The following DGKD variants were observed in gnomAD, a reference collection of about 807,000 sequenced individuals.
The protein encoded by DGKD is diacylglycerol kinase delta.
DGKD carries 68 observed loss-of-function variants against 154.4 expected under a neutral mutation model. The observed-to-expected ratio is 0.44, with a 90% CI of 0.36 to 0.54. The LOEUF (loss-of-function observed/expected upper bound fraction) is 0.54. DGKD is among the 20% of genes least tolerant of loss of function. DGKD has a pLI of 0.00. For missense variants in DGKD, 1,343 were observed against 1,593.6 expected (o/e 0.84, Z 2.68); for synonymous variants, 693 against 638.0 (o/e 1.09, Z -1.30).
chr2:233,434,578 G>A, intron 4 of DGKD, 94 bp downstream of exon 4: 3 of 1,435,548 alleles, frequency 2.1e-6, no homozygotes, highest in East Asian at 2.3e-5. Flanking sequence ...CGGACCCACA[G>A]TCTGGAGCTC....
chr2:233,438,128 G>C lies in DGKD; in HGVS notation c.923-89G>C. ...TGCATGTGTCAGGTGTGTGTCCTTT[G>C]GGGGGGTCTGCTGCTGCTGATTCCA... On this transcript the variant is annotated intron_variant, in intron 8 of 29. Transcript: ENST00000264057. The surrounding 1 kb of genome is among the most constrained non-coding windows in gnomAD (Gnocchi z 4.1). 1 of 1,437,908 alleles carries C rather than the reference G, an allele frequency of 7.0e-7. No individual in the cohort carries two copies. Among genetic ancestry groups the C allele is most frequent in the Non-Finnish European group, 9.6e-7 (1 of 1,046,178 alleles). The allele number at this position is 1,437,908 out of a possible 1,614,324, so 89.1% of individuals were successfully genotyped here. A position where few individuals can be genotyped will look rare whatever the true frequency, so the allele number is the denominator to read the frequency against.
intron 18 of DGKD, chr2:233,454,433 A>G (rs1197183985): frequency 2.1e-6 from 1 of 479,578 alleles, no homozygotes; most frequent in Non-Finnish European, 4.3e-6. Flanking sequence ...GCCTCCGTGG[A>G]GGTGGAAAGT....
intron 1 of DGKD, among the ~76,000 whole-genome samples, chr2:233,367,654 T>A (rs1267621386): frequency 6.6e-6 from 1 of 152,178 alleles, no homozygotes; most frequent in Non-Finnish European, 1.5e-5. Flanking sequence ...ATATTTCCTA[T>A]AAAGTAGAAG....
At chr2:233,376,478 A>G (rs938749439) in intron 1 of DGKD, among the ~76,000 whole-genome samples, 5 of 152,198 alleles carry the variant, frequency 3.3e-5, no homozygotes, top group Non-Finnish European at 7.3e-5. Context: ...AGCTCCTGGC[A>G]CATAGTAGGC....
At chr2:233,355,523 TTC>T (rs1701499475) in intron 1 of DGKD, among the ~76,000 whole-genome samples, 1 of 152,204 alleles carries the variant, frequency 6.6e-6, no homozygotes, top group African/African-American at 2.4e-5. Context: ...GGCACGGACT[TTC>T]TCCTCCTGCT....
rs1306104003 is a variant in DGKD, at chr2:233,454,816, A to T, written c.2318A>T (p.Asp773Val). Residue 773 changes from aspartate (D) to valine (V), a missense_variant, in exon 19 of 30, where the codon GAT (aspartate) becomes GTT (valine). Physicochemically the swap from Asp to Val is radical, Grantham distance 152. Coordinates refer to ENST00000264057, the MANE Select transcript of DGKD (RefSeq NM_152879.3). ...VMNNYFGIGL[D>V]AKISLDFNNK... The stretch of plus-strand genomic sequence containing the variant: ...AACAACTATTTTGGCATTGGCCTGG[A>T]TGCGAAGATATCCCTGGACTTTAAC... 3.1e-6 allele frequency: 5 copies of T among 1,614,026 alleles called. No individual in the cohort carries two copies. The highest frequency in any genetic ancestry group is 4.2e-6 in the Non-Finnish European group (5 of 1,180,002).
At chr2:233,363,764 C>G (rs142835480) in intron 1 of DGKD, among the ~76,000 whole-genome samples, 1 of 152,164 alleles carries the variant, frequency 6.6e-6, no homozygotes, top group Non-Finnish European at 1.5e-5. Context: ...TATTTAGATA[C>G]GCAAATACTT....
chr2:233,456,050 A>G (rs1023392113), intron 19 of DGKD, among the ~76,000 whole-genome samples: 1 of 152,210 alleles, frequency 6.6e-6, no homozygotes, highest in Non-Finnish European at 1.5e-5. Flanking sequence ...CATGCATAAT[A>G]CATTTCTAGA....
intron 1 of DGKD, among the ~76,000 whole-genome samples, chr2:233,361,281 C>T (rs34231016): frequency 0.11 from 16,809 of 152,248 alleles, 1,213 homozygotes; most frequent in South Asian, 0.33. Flanking sequence ...TGCTTCAAAT[C>T]ACCTCAGTCC....
At chr2:233,415,173 A>C (rs1006749396) in intron 3 of DGKD, among the ~76,000 whole-genome samples, 1 of 152,262 alleles carries the variant, frequency 6.6e-6, no homozygotes, top group African/African-American at 2.4e-5. Flanking sequence ...AGACCTTGTC[A>C]GGAGACATGG....
intron 3 of DGKD, among the ~76,000 whole-genome samples, chr2:233,398,492 C>T (rs1441465620): frequency 6.6e-6 from 1 of 152,052 alleles, no homozygotes; most frequent in Non-Finnish European, 1.5e-5. Flanking sequence ...AAAGTCATTC[C>T]CTCCAGGGAA....
chr2:233,455,181 C>G (rs2063418156), intron 19 of DGKD, among the ~76,000 whole-genome samples: 1 of 152,178 alleles, frequency 6.6e-6, no homozygotes, highest in Non-Finnish European at 1.5e-5. Context: ...GGCAGGTGTG[C>G]CAAGAAGCTA....
chr2:233,426,454 T>A (rs1183506397), intron 3 of DGKD, among the ~76,000 whole-genome samples: 2 of 152,094 alleles, frequency 1.3e-5, no homozygotes, highest in Non-Finnish European at 2.9e-5. Context: ...CCGGAATCCC[T>A]CCTGTGTGCC....
Position 233,440,661 on chromosome 2 carries a change from G to C in DGKD, c.1086-1226G>C, listed in dbSNP as rs1170991544. On this transcript the variant is annotated intron_variant, in intron 9 of 29. Coordinates refer to ENST00000264057, the MANE Select transcript of DGKD (RefSeq NM_152879.3). The surrounding 1 kb of genome is among the most constrained non-coding windows in gnomAD (Gnocchi z 4.9). ...GAGGGAATGCAGTGGGGCCAGGCCA[G>C]GCAGCAGCAGAAAGGTGGCACCTGC... Among the ~76,000 whole-genome samples, 1 of 152,202 alleles carries C rather than the reference G, an allele frequency of 6.6e-6. No individual in the cohort carries two copies. The highest frequency in any genetic ancestry group is 6.5e-5 in the Admixed American group (1 of 15,282).
chr2:233,457,001 T>C lies in DGKD; in HGVS notation c.2472+6T>C, dbSNP rs1328828051. ...AGCAAAAGGTCTTGCTGGAGGTGAG[T>C]GGGAGGGTCCTTGTCACCTGCAGGC... On this transcript the variant is annotated splice_donor_region_variant and intron_variant, in intron 20 of 29. Coordinates refer to ENST00000264057, the MANE Select transcript of DGKD (RefSeq NM_152879.3). The surrounding 1 kb of genome is among the most constrained non-coding windows in gnomAD (Gnocchi z 5.5). 1.2e-6 allele frequency: 2 copies of C among 1,610,308 alleles called. No homozygotes were observed. The highest frequency in any genetic ancestry group is 1.3e-5 in the African/African-American group (1 of 74,680).
intron 8 of DGKD, 69 bp downstream of exon 8, chr2:233,437,548 C>G: frequency 2.7e-6 from 4 of 1,457,414 alleles, no homozygotes; most frequent in Non-Finnish European, 3.8e-6. Flanking sequence ...ACTTTCTCTT[C>G]TCCAGCTCTG....
At chr2:233,443,431 T>C (rs1288780215) in intron 10 of DGKD, among the ~76,000 whole-genome samples, 2 of 152,140 alleles carry the variant, frequency 1.3e-5, no homozygotes, top group East Asian at 3.9e-4. Context: ...TTTTTCCCGG[T>C]TTGTCGTTTG....
intron 1 of DGKD, among the ~76,000 whole-genome samples, chr2:233,384,696 C>G (rs1243562884): frequency 6.6e-6 from 1 of 152,170 alleles, no homozygotes; most frequent in Non-Finnish European, 1.5e-5. Context: ...ACCCCAGACT[C>G]TTGTCATCAG....
chr2:233,443,335 CTT>C (rs1261337040), intron 10 of DGKD, among the ~76,000 whole-genome samples: 2 of 151,952 alleles, frequency 1.3e-5, no homozygotes, highest in Non-Finnish European at 2.9e-5. Flanking sequence ...CTCATTTTCT[CTT>C]TGAGTATTCA....
Sources: gnomAD v4.1 joint callset for allele counts (sites outside exome capture counted in the v4.1 genomes callset) on GRCh38, gnomAD v4.1.1 for gene constraint, Gnocchi (gnomAD v3.1) non-coding constraint, MANE v1.5 for transcripts, NCBI Gene and HGNC (gene_info 2026-07-23, HGNC 2026-07-21) for gene names.